The following PTTG1IP2 variants were observed in gnomAD, a reference collection of about 807,000 sequenced individuals.
PTTG1IP2 encodes PTTG1IP family member 2.
chr7:90,509,615 G>A (rs1432893635), intron 6 of PTTG1IP2, among the ~76,000 whole-genome samples: 1 of 152,176 alleles, frequency 6.6e-6, no homozygotes, highest in African/African-American at 2.4e-5. Flanking sequence ...GGATATTTGC[G>A]CTAGAGACCT....
chr7:90,499,594 AT>A (rs1458919371), intron 6 of PTTG1IP2, among the ~76,000 whole-genome samples: 2 of 151,750 alleles, frequency 1.3e-5, no homozygotes, highest in Non-Finnish European at 2.9e-5. Flanking sequence ...TATTATTTTT[AT>A]TTTTTTGAGA....
chr7:90,476,724 A>G (rs1437867667), intron 1 of PTTG1IP2, among the ~76,000 whole-genome samples: 1 of 152,206 alleles, frequency 6.6e-6, no homozygotes, highest in Non-Finnish European at 1.5e-5. Flanking sequence ...CAGTACACCA[A>G]GATGACATAT....
chr7:90,499,729 G>A (rs1035437847), intron 6 of PTTG1IP2, among the ~76,000 whole-genome samples: 11 of 152,016 alleles, frequency 7.2e-5, no homozygotes, highest in East Asian at 3.9e-4. Flanking sequence ...AACTACAGGC[G>A]CATGCAAGCA....
At chr7:90,475,898 G>A (rs754991375) in intron 1 of PTTG1IP2, among the ~76,000 whole-genome samples, 8 of 150,486 alleles carry the variant, frequency 5.3e-5, no homozygotes, top group Admixed American at 2.7e-4. Context: ...CTGAGATCGC[G>A]CCACTGCACT....
At chr7:90,480,941 TGGAC>T (rs1797808426) in intron 2 of PTTG1IP2, among the ~76,000 whole-genome samples, 1 of 152,228 alleles carries the variant, frequency 6.6e-6, no homozygotes, top group African/African-American at 2.4e-5. Context: ...GGATTAATTT[TGGAC>T]TTTTATCATG....
intron 6 of PTTG1IP2, among the ~76,000 whole-genome samples, chr7:90,502,308 A>C (rs1798069524): frequency 6.6e-6 from 1 of 152,220 alleles, no homozygotes; most frequent in Admixed American, 6.5e-5. Flanking sequence ...CCACCACATC[A>C]GTCTTCACTG....
At chr7:90,510,914 C>T (rs1798182528) in intron 6 of PTTG1IP2, among the ~76,000 whole-genome samples, 1 of 152,186 alleles carries the variant, frequency 6.6e-6, no homozygotes, top group Non-Finnish European at 1.5e-5. Context: ...GAAAATACCA[C>T]TGTAATTAAA....
At chr7:90,491,141 T>C (rs1797933222) in intron 4 of PTTG1IP2, among the ~76,000 whole-genome samples, 1 of 152,212 alleles carries the variant, frequency 6.6e-6, no homozygotes, top group Admixed American at 6.5e-5. Flanking sequence ...TGATCTAATA[T>C]TATTGTTCAA....
chr7:90,478,228 C>CA (rs950146869), intron 1 of PTTG1IP2, among the ~76,000 whole-genome samples: 15 of 151,494 alleles, frequency 9.9e-5, no homozygotes, highest in Non-Finnish European at 2.1e-4. Flanking sequence ...CTTTAGTTTA[C>CA]AAAAAAGCTG....
chr7:90,505,990 CAAAAAAA>C (rs59521168), intron 6 of PTTG1IP2, among the ~76,000 whole-genome samples: 3 of 77,318 alleles, frequency 3.9e-5, no homozygotes, highest in African/African-American at 1.1e-4. Context: ...GACTCCGTCT[CAAAAAAA>C]AAAAAAAAAA....
At chr7:90,500,808 G>A (rs984369282) in intron 6 of PTTG1IP2, among the ~76,000 whole-genome samples, 15 of 152,154 alleles carry the variant, frequency 9.9e-5, no homozygotes, top group African/African-American at 3.6e-4. Context: ...TCCAAAGAGG[G>A]CCTGGTGTCT....
chr7:90,513,005 C>T (rs961259522), intron 6 of PTTG1IP2, among the ~76,000 whole-genome samples: 3 of 152,268 alleles, frequency 2.0e-5, no homozygotes, highest in Admixed American at 6.5e-5. Flanking sequence ...CATTCCCTTT[C>T]GTGTTGGCAG....
chr7:90,499,964 A>G (rs1412743616), intron 6 of PTTG1IP2, among the ~76,000 whole-genome samples: 2 of 152,154 alleles, frequency 1.3e-5, no homozygotes, highest in Non-Finnish European at 1.5e-5. Flanking sequence ...CTATAATCCC[A>G]GCACTTTGGA....
In PTTG1IP2 at chr7:90,512,289, A is replaced by C. The variant is rs1455790755; in HGVS notation, c.*51-989A>C. Among the ~76,000 whole-genome samples, 4 of 152,190 alleles carry C rather than the reference A, an allele frequency of 2.6e-5. No individual in the cohort carries two copies. In the South Asian group the frequency reaches 8.3e-4, roughly 32 times the overall value. On this transcript the variant is annotated intron_variant, in intron 6 of 6. Transcript: ENST00000509356. ...AAAAAAAGTGAAGAGCAAAGCCAAT[A>C]ATTTAAAATTGTGGCACTGCTGGGA...
At chr7:90,500,465 T>A (rs1798049463) in intron 6 of PTTG1IP2, among the ~76,000 whole-genome samples, 1 of 152,064 alleles carries the variant, frequency 6.6e-6, no homozygotes, top group African/African-American at 2.4e-5. Context: ...AGAAAGAGTT[T>A]AAAGAGAACA....
intron 4 of PTTG1IP2, among the ~76,000 whole-genome samples, chr7:90,490,244 A>G (rs1797922600): frequency 1.3e-5 from 2 of 151,984 alleles, no homozygotes; most frequent in Non-Finnish European, 2.9e-5. Context: ...ATTACATATC[A>G]ACAAATTAGT....
At chr7:90,488,245 C>T (rs150362475) in intron 3 of PTTG1IP2, among the ~76,000 whole-genome samples, 329 of 152,104 alleles carry the variant, frequency 2.2e-3, no homozygotes, top group African/African-American at 7.8e-3. Context: ...CTGTTTCTTT[C>T]CGGTACTATC....
At chr7:90,495,371 G>A (rs1246839208) in intron 6 of PTTG1IP2, among the ~76,000 whole-genome samples, 1 of 152,186 alleles carries the variant, frequency 6.6e-6, no homozygotes, top group Non-Finnish European at 1.5e-5. Context: ...TCCAGTGCTG[G>A]AATCCTCTTA....
At chr7:90,512,927 T>C (rs920203248) in intron 6 of PTTG1IP2, among the ~76,000 whole-genome samples, 1 of 152,262 alleles carries the variant, frequency 6.6e-6, no homozygotes, top group Non-Finnish European at 1.5e-5. Context: ...GAACCCTTTC[T>C]GGGAATATTT....
Sources: allele counts gnomAD v4.1 joint callset (sites outside exome capture counted in the v4.1 genomes callset), GRCh38; gene constraint gnomAD v4.1.1; transcripts MANE v1.5; gene names NCBI Gene and HGNC (gene_info 2026-07-23, HGNC 2026-07-21).